Variants in RYR1 observed in about 807,000 individuals in gnomAD.
The protein encoded by RYR1 is ryanodine receptor 1, also known as central core disease of muscle.
RYR1 carries 342 observed loss-of-function variants against 583.5 expected under a neutral mutation model. The observed-to-expected ratio is 0.59, with a 90% CI of 0.54 to 0.64. The LOEUF (loss-of-function observed/expected upper bound fraction) is 0.64, where lower values mean the gene tolerates loss of function less well. Ranked by LOEUF, RYR1 falls within the 30% of genes least tolerant of loss-of-function variation. The pLI is 0.00. For synonymous variants in RYR1, 2,791 were observed against 2,822.5 expected, an observed-to-expected ratio of 0.99 and a Z score of 0.35; for missense variants, 6,032 against 6,917.2, an observed-to-expected ratio of 0.87 and a Z score of 4.54.
At chr19:38,477,607 C>T in intron 29 of RYR1, 103 bp from the exon 30 acceptor site, 1 of 1,447,076 alleles carries the variant, frequency 6.9e-7, no homozygotes, top group Non-Finnish European at 9.7e-7. Context: ...TCCTGTTAAA[C>T]TCCCAGAGGA....
At chr19:38,582,523 C>T (rs1216305736) in intron 101 of RYR1, among the ~76,000 whole-genome samples, 3 of 151,762 alleles carry the variant, frequency 2.0e-5, no homozygotes, top group Non-Finnish European at 2.9e-5. Flanking sequence ...CAGTGACTCA[C>T]GCCTGTAATC....
chr19:38,523,817 C>A, intron 69 of RYR1, 98 bp from the exon 70 acceptor site: 1 of 1,499,580 alleles, frequency 6.7e-7, no homozygotes, highest in Non-Finnish European at 9.3e-7. Context: ...GCGGGTGGGG[C>A]AGAGGAGGTG....
At position 38,490,225 on chromosome 19, in the gene RYR1, A is replaced by G. The variant is rs1969491518; in HGVS notation, c.5964A>G (p.Ala1988=). Residue 1988 remains alanine (A), a synonymous_variant, in exon 36 of 106, where the codon GCA becomes GCG. Transcript: ENST00000359596. Reference sequence around the variant, plus strand: ...TCATAAAAGCCTTCAGCATGACCGCAGCAGAGACTGCAAGACGTACCCGCG... The same window carrying G: ...TCATAAAAGCCTTCAGCATGACCGCGGCAGAGACTGCAAGACGTACCCGCG... ...GLLIKAFSMT[A]AETARRTREF... is the part of the protein sequence containing the mutation. 6.2e-7 allele frequency: 1 copy of G among 1,614,076 alleles called. No homozygotes were observed. Among genetic ancestry groups the G allele is most frequent in the Non-Finnish European group, 8.5e-7 (1 of 1,180,050 alleles).
At chr19:38,478,731 C>CTCCCA in intron 31 of RYR1, 131 bp downstream of exon 31, 1 of 965,144 alleles carries the variant, frequency 1.0e-6, no homozygotes, top group Non-Finnish European at 1.6e-6. Flanking sequence ...CTCAAGAGGT[C>CTCCCA]GCTGGGAGAC....
At position 38,565,673 on chromosome 19, in the gene RYR1, C is replaced by T. The variant is rs1000804197; in HGVS notation, c.13339C>T (p.Arg4447Trp). Residue 4447 changes from arginine to tryptophan, a missense_variant, in exon 91 of 106, where the codon CGG becomes TGG. Transcript: ENST00000359596. The surrounding 1 kb of genome is among the most constrained non-coding windows in gnomAD (Gnocchi z 4.7). ...AVAVTDGGPF[R>W]PEGAGGLGDM... ...GGCCGTGACCGATGGGGGCCCCTTC[C>T]GGCCCGAAGGGGCTGGCGGTCTCGG... 12 of 1,394,300 alleles carry T rather than the reference C, an allele frequency of 8.6e-6. No individual in the cohort carries two copies. The highest frequency in any genetic ancestry group is 3.5e-5 in the Admixed American group (1 of 28,396). The allele number at this position is 1,394,300 out of a possible 1,614,324, so 86.4% of individuals were successfully genotyped here. A position where few individuals can be genotyped will look rare whatever the true frequency, so the allele number is the denominator to read the frequency against.
intron 8 of RYR1, 42 bp downstream of exon 8, chr19:38,446,607 C>T (rs761267014): frequency 1.3e-5 from 21 of 1,601,256 alleles, no homozygotes; most frequent in South Asian, 5.5e-5. Context: ...TAGGGGTGGA[C>T]GTGGAGGGCT....
At chr19:38,455,776 C>T (rs767921519) in intron 16 of RYR1, 25 bp downstream of exon 16, 1 of 1,407,646 alleles carries the variant, frequency 7.1e-7, no homozygotes, top group Admixed American at 1.7e-5. Flanking sequence ...CCTGACCTCT[C>T]ATCCCCTGAA....
chr19:38,571,070 G>C (rs1445006160), intron 94 of RYR1, among the ~76,000 whole-genome samples: 2 of 152,228 alleles, frequency 1.3e-5, no homozygotes, highest in Non-Finnish European at 2.9e-5. Flanking sequence ...AGTTTGCAGG[G>C]AGGAAGAAAT....
At chr19:38,585,837 A>C in intron 102 of RYR1, 101 bp from the exon 103 acceptor site, 1 of 1,381,428 alleles carries the variant, frequency 7.2e-7, no homozygotes. Context: ...GAGATTAGGG[A>C]AATGGGGGAT....
At position 38,534,768 on chromosome 19, in the gene RYR1, C is replaced by G. The variant is rs941640236; in HGVS notation, c.11308C>G (p.His3770Asp). The G allele has an allele frequency of 6.2e-7, 1 of 1,614,046 alleles. No homozygotes were observed. Among genetic ancestry groups the G allele is most frequent in the South Asian group, 1.1e-5 (1 of 91,016 alleles). ...QRLLYQQARL[H>D]TRGAAEMVLQ... is the part of the protein sequence containing the mutation. Reference sequence around the variant, plus strand: ...GCTCTTGTACCAGCAAGCACGGCTGCACACCCGGGGGGCGGCCGAGATGGT... The same window carrying G: ...GCTCTTGTACCAGCAAGCACGGCTGGACACCCGGGGGGCGGCCGAGATGGT... The change falls in exon 79 of 106, where the codon CAC becomes GAC. Residue 3770 changes from histidine (H) to aspartate (D), a missense_variant. By Grantham distance (81) the His-to-Asp change is moderately conservative. This residue lies in a region of RYR1 where 1,493 missense variants were observed against 1,715.5 expected (regional missense o/e 0.87). Transcript: ENST00000359596.
chr19:38,480,824 A>G (rs1284711926), intron 31 of RYR1, among the ~76,000 whole-genome samples: 1 of 151,524 alleles, frequency 6.6e-6, no homozygotes, highest in Non-Finnish European at 1.5e-5. Context: ...GGCTCACTGC[A>G]ACCTTCGCCT....
At chr19:38,434,358 T>G (rs932742498) in intron 1 of RYR1, among the ~76,000 whole-genome samples, 1 of 152,006 alleles carries the variant, frequency 6.6e-6, no homozygotes, top group Non-Finnish European at 1.5e-5. Context: ...GAGGGTCTTG[T>G]GGGGGAGGGA....
intron 96 of RYR1, among the ~76,000 whole-genome samples, chr19:38,575,178 C>T (rs1481172026): frequency 1.3e-5 from 2 of 152,196 alleles, no homozygotes; most frequent in African/African-American, 4.8e-5. Context: ...GGCAGTTGCA[C>T]TGGAGTTGGT....
At chr19:38,450,342 G>A (rs895067649) in intron 11 of RYR1, among the ~76,000 whole-genome samples, 8 of 152,106 alleles carry the variant, frequency 5.3e-5, no homozygotes, top group African/African-American at 1.9e-4. Flanking sequence ...GAGGGGTTGA[G>A]GATGATGCCA....
intron 96 of RYR1, among the ~76,000 whole-genome samples, chr19:38,574,715 A>G (rs1973878596): frequency 6.6e-6 from 1 of 152,028 alleles, no homozygotes; most frequent in South Asian, 2.1e-4. Flanking sequence ...TGAATTCATA[A>G]TCAATCATCG....
At chr19:38,533,778 C>T (rs1165738244) in intron 78 of RYR1, among the ~76,000 whole-genome samples, 1 of 139,570 alleles carries the variant, frequency 7.2e-6, no homozygotes, top group Non-Finnish European at 1.5e-5. Flanking sequence ...GGCGAGACTC[C>T]ATCTCAAAAA....
intron 84 of RYR1, among the ~76,000 whole-genome samples, chr19:38,540,906 A>G (rs1263079978): frequency 2.0e-5 from 3 of 147,342 alleles, no homozygotes; most frequent in Non-Finnish European, 4.5e-5. Context: ...TAAACCTCCA[A>G]TCATATACTA....
chr19:38,479,659 C>T (rs1968914493), intron 31 of RYR1, among the ~76,000 whole-genome samples: 1 of 151,536 alleles, frequency 6.6e-6, no homozygotes, highest in South Asian at 2.1e-4. Flanking sequence ...GCGATCTCCC[C>T]ACCTTGGCCT....
rs139834926 is a variant in RYR1 at position 38,527,753 on chromosome 19, A to T, written c.10793A>T (p.Glu3598Val). 6.2e-7 allele frequency: 1 copy of T among 1,613,188 alleles called. No homozygotes were observed. The highest frequency in any genetic ancestry group is 1.3e-5 in the African/African-American group (1 of 74,736). Residue 3598 changes from glutamate to valine, a missense_variant, in exon 73 of 106, where the codon GAA (glutamate) becomes GTA (valine). Transcript: ENST00000359596. ...GAGAAAATCGTGCGCAGAGTCCAGG[A>T]AGTGTCAGCCGTGCTCTACTACCTG... ...DPEKIVRRVQ[E>V]VSAVLYYLDQ...
Sources: allele counts gnomAD v4.1 joint callset (sites outside exome capture counted in the v4.1 genomes callset), GRCh38; gene constraint gnomAD v4.1.1; regional missense constraint gnomAD v4.1.1; non-coding constraint Gnocchi (gnomAD v3.1); transcripts MANE v1.5; gene names NCBI Gene and HGNC (gene_info 2026-07-23, HGNC 2026-07-21).